BIRC6: variants seen among roughly 807,000 people sequenced by gnomAD.
BIRC6 encodes dual E2 ubiquitin-conjugating enzyme/E3 ubiquitin-protein ligase BIRC6.
Under a neutral mutation model 503.3 loss-of-function variants are expected in BIRC6, and 98 were observed. That is an observed-to-expected ratio of 0.19 (90% CI 0.17 to 0.23). The LOEUF (loss-of-function observed/expected upper bound fraction) is 0.23, where lower values mean the gene tolerates loss of function less well. BIRC6 is among the 10% of genes least tolerant of loss of function. BIRC6 has a pLI of 1.00. For synonymous variants in BIRC6, 2,240 were observed against 2,078.7 expected (o/e 1.08, Z -2.11); for missense variants, 5,360 against 5,806.0 (o/e 0.92, Z 2.50).
rs1437345707 is a variant in BIRC6 at position 32,433,949 on chromosome 2, AAG to A, written c.3409+146_3409+147del. ...TTACTTTTTGTGATTTTATTTAAAA[AAG>A]TAATTCAGAGAACATTTCAGAACTT... On this transcript the variant is annotated intron_variant, in intron 13 of 73. Coordinates refer to ENST00000421745, the MANE Select transcript of BIRC6 (RefSeq NM_016252.4). 2.3e-5 allele frequency: 15 copies of A among 662,512 alleles called. No individual in the cohort carries two copies. The East Asian group carries it at 4.2e-4, about 18-fold the overall frequency. 41.0% of individuals were successfully genotyped at this position (662,512 alleles called of 1,614,324 possible).
rs146651460 is a variant in BIRC6, at chr2:32,359,245, A to G, written c.325+1759A>G. Among the ~76,000 whole-genome samples the G allele has an allele frequency of 3.1e-3, 478 of 152,324 alleles. 3 individuals carry two copies. The highest frequency in any genetic ancestry group is 0.011 in the African/African-American group (437 of 41,578). The stretch of plus-strand genomic sequence containing the variant: ...TTAACTTGGAATAAGTGGTATATGT[A>G]CTAGGATTTCTAAAGAAAGTCATTA... On this transcript the variant is annotated intron_variant, in intron 1 of 73. Coordinates refer to ENST00000421745, the MANE Select transcript of BIRC6 (RefSeq NM_016252.4).
At chr2:32,539,564 A>G (rs773586561) in intron 61 of BIRC6, among the ~76,000 whole-genome samples, 1 of 152,228 alleles carries the variant, frequency 6.6e-6, no homozygotes, top group African/African-American at 2.4e-5. Context: ...TAAGCAGTAT[A>G]GTTTTTAGTA....
intron 10 of BIRC6, among the ~76,000 whole-genome samples, chr2:32,427,209 G>C (rs1029177549): frequency 1.3e-5 from 2 of 152,006 alleles, no homozygotes; most frequent in African/African-American, 4.8e-5. Flanking sequence ...CTTCTTCATG[G>C]AATTCCCATT....
At chr2:32,464,972 G>T (rs1293509864) in intron 25 of BIRC6, 93 bp from the exon 26 acceptor site, 2 of 1,308,250 alleles carry the variant, frequency 1.5e-6, no homozygotes. Flanking sequence ...ATTAAGAGAA[G>T]AAACTTATTA....
At chr2:32,431,181 C>CTATTTTTTT (rs2044059703) in intron 12 of BIRC6, 91 bp downstream of exon 12, 1 of 65,364 alleles carries the variant, frequency 1.5e-5, no homozygotes. Context: ...TACTGTTTAT[C>CTATTTTTTT]TTTTTTTTTT....
Position 32,618,134 on chromosome 2 carries a change from A to T in BIRC6, c.*230A>T. 1 of 371,354 alleles carries T rather than the reference A, an allele frequency of 2.7e-6. No homozygotes were observed. The highest frequency in any genetic ancestry group is 4.8e-6 in the Non-Finnish European group (1 of 207,074). The allele number at this position is 371,354 out of a possible 1,614,324, so 23.0% of individuals were successfully genotyped here. ...GTGAGAACCACTGATTGGTATGTTC[A>T]ACAAATTTGTGTATACAAAGAAATG... On this transcript the variant is annotated 3_prime_UTR_variant, in exon 74 of 74. Transcript: ENST00000421745.
At chr2:32,457,583 T>A (rs922682679) in intron 23 of BIRC6, among the ~76,000 whole-genome samples, 1 of 152,154 alleles carries the variant, frequency 6.6e-6, no homozygotes, top group Non-Finnish European at 1.5e-5. Flanking sequence ...GATTATATAG[T>A]CTAGATTCCA....
At position 32,464,523 on chromosome 2, in the gene BIRC6, A is replaced by T; in HGVS notation, c.4956A>T (p.Glu1652Asp). ...LKLQQQKAKL[E>D]AKLHQTTAAA... is the part of the protein sequence containing the mutation. The stretch of plus-strand genomic sequence containing the variant: ...TTCTTTTGCAGAAAGCAAAGCTGGA[A>T]GCCAAGTTACATCAGACAACAGCTG... Residue 1652 changes from glutamate (E) to aspartate (D), a missense_variant, in exon 25 of 74, where the codon GAA becomes GAT. Glu to Asp is a conservative substitution (Grantham distance 45). Transcript: ENST00000421745. 1.9e-6 allele frequency: 3 copies of T among 1,573,430 alleles called. No individual in the cohort carries two copies. The highest frequency in any genetic ancestry group is 2.6e-6 in the Non-Finnish European group (3 of 1,158,456).
chr2:32,610,812 A>G (rs1198732890), intron 72 of BIRC6, among the ~76,000 whole-genome samples: 1 of 152,040 alleles, frequency 6.6e-6, no homozygotes, highest in Non-Finnish European at 1.5e-5. Flanking sequence ...TCTGTCGCCC[A>G]GGCTGGAGTG....
chr2:32,360,912 A>G (rs2033976849), intron 1 of BIRC6, among the ~76,000 whole-genome samples: 1 of 151,642 alleles, frequency 6.6e-6, no homozygotes, highest in Non-Finnish European at 1.5e-5. Context: ...GTGTGTATGT[A>G]TATATTTATT....
chr2:32,473,361 C>T (rs74651918), intron 33 of BIRC6, 122 bp downstream of exon 33: 16,842 of 758,862 alleles, frequency 0.022, 309 homozygotes, highest in African/African-American at 0.077. Context: ...TTAGGAAAAT[C>T]ATCTAACACT....
chr2:32,366,131 A>G (rs2034894561), intron 1 of BIRC6, among the ~76,000 whole-genome samples: 1 of 152,222 alleles, frequency 6.6e-6, no homozygotes, highest in African/African-American at 2.4e-5. Context: ...TCGGTCTCCC[A>G]AAGTGCTGGG....
At position 32,470,209 on chromosome 2, in the gene BIRC6, G is replaced by A. The variant is rs747640169; in HGVS notation, c.6389G>A (p.Ser2130Asn). 6.4e-7 allele frequency: 1 copy of A among 1,572,032 alleles called. No homozygotes were observed. Among genetic ancestry groups the A allele is most frequent in the East Asian group, 2.3e-5 (1 of 43,628 alleles). ...LLSCIGQRSL[S>N]NSGVLESLLN... ...TCCTGCATTGGTCAAAGATCACTTA[G>A]TAATAGTGGAGTATTAGAAAGCTTA... is the stretch of plus-strand genomic sequence containing the variant. Residue 2130 changes from serine (S) to asparagine (N), a missense_variant, in exon 31 of 74, where the codon AGT becomes AAT. Physicochemically the swap from Ser to Asn is conservative, Grantham distance 46. Coordinates refer to ENST00000421745, the MANE Select transcript of BIRC6 (RefSeq NM_016252.4).
intron 66 of BIRC6, among the ~76,000 whole-genome samples, chr2:32,581,715 G>A (rs1255779339): frequency 6.6e-6 from 1 of 151,998 alleles, no homozygotes; most frequent in African/African-American, 2.4e-5. Flanking sequence ...CAGTACAATC[G>A]GGAATAATCA....
At chr2:32,467,869 T>A in intron 27 of BIRC6, 34 bp from the exon 28 acceptor site, 2 of 1,522,136 alleles carry the variant, frequency 1.3e-6, no homozygotes, top group Non-Finnish European at 1.8e-6. Flanking sequence ...GTGGCAGATG[T>A]GTATATATGT....
chr2:32,535,150 C>CAAAAAAAAAAAAAAA (rs1158856665), intron 61 of BIRC6, among the ~76,000 whole-genome samples: 3 of 7,274 alleles, frequency 4.1e-4, no homozygotes, highest in African/African-American at 8.6e-4. Context: ...CCCAAAAAAG[C>CAAAAAAAAAAAAAAA]AAAAAAAAAA....
chr2:32,363,279 T>G (rs1389005273), intron 1 of BIRC6, among the ~76,000 whole-genome samples: 1 of 152,028 alleles, frequency 6.6e-6, no homozygotes, highest in Non-Finnish European at 1.5e-5. Flanking sequence ...CTTCAGTGAG[T>G]TGTGATTGTG....
At position 32,442,357 on chromosome 2, in the gene BIRC6, A is replaced by C; in HGVS notation, c.4140A>C (p.Lys1380Asn). The C allele has an allele frequency of 1.2e-6, 2 of 1,612,802 alleles. No individual in the cohort carries two copies. Among genetic ancestry groups the C allele is most frequent in the Non-Finnish European group, 1.7e-6 (2 of 1,179,304 alleles). The stretch of plus-strand genomic sequence containing the variant: ...AAGGAAATGAGAACCTACTTTCAAA[A>C]ACACGAAAATTTCTGTCAGACATCG... Reference protein sequence around the residue: ...SKEGNENLLSKTRKFLSDIVR... With the variant: ...SKEGNENLLSNTRKFLSDIVR... The change falls in exon 19 of 74, where the codon AAA (lysine) becomes AAC (asparagine). Residue 1380 changes from lysine (K) to asparagine (N), a missense_variant. This residue lies in a region of BIRC6 where 2,299 missense variants were observed against 2,267.2 expected (regional missense o/e 1.01). Coordinates refer to ENST00000421745, the MANE Select transcript of BIRC6 (RefSeq NM_016252.4).
intron 73 of BIRC6, among the ~76,000 whole-genome samples, chr2:32,611,794 G>A (rs973651055): frequency 6.6e-6 from 1 of 152,162 alleles, no homozygotes; most frequent in Non-Finnish European, 1.5e-5. Flanking sequence ...TAAAAAGTGG[G>A]TCCAAGGACT....
Sources: allele counts gnomAD v4.1 joint callset (sites outside exome capture counted in the v4.1 genomes callset), GRCh38; gene constraint gnomAD v4.1.1; regional missense constraint gnomAD v4.1.1; transcripts MANE v1.5; gene names NCBI Gene and HGNC (gene_info 2026-07-23, HGNC 2026-07-21).